NSL1: variants seen among roughly 807,000 people sequenced by gnomAD.
NSL1 encodes the protein NSL1 component of MIS12 kinetochore complex, also known as kinetochore-associated protein NSL1 homolog.
In NSL1, 11 loss-of-function variants were observed where a neutral mutation model predicts 25.4. The observed-to-expected ratio is 0.43, with a 90% CI of 0.27 to 0.72. The LOEUF (loss-of-function observed/expected upper bound fraction) is 0.72. NSL1 is among the 30% of genes least tolerant of loss of function. The pLI is 0.19. For synonymous variants in NSL1, 118 were observed against 120.6 expected (o/e 0.98, Z 0.14); for missense variants, 330 against 342.7 (o/e 0.96, Z 0.29).
chr1:212,778,551 G>A (rs1045294034), intron 4 of NSL1, among the ~76,000 whole-genome samples: 91 of 147,708 alleles, frequency 6.2e-4, no homozygotes, highest in Middle Eastern at 3.4e-3. Flanking sequence ...GGCGCGCGCC[G>A]CCACGCCTGA....
chr1:212,736,250 C>T lies in NSL1; in HGVS notation c.*2158G>A. 1.3e-6 allele frequency: 1 copy of T among 769,936 alleles called. No homozygotes were observed. Among genetic ancestry groups the T allele is most frequent in the Non-Finnish European group, 1.6e-6 (1 of 633,464 alleles). 47.7% of individuals were successfully genotyped at this position (769,936 alleles called of 1,614,324 possible). ...ATGGAGTTTCACTATGTTGCCCAGG[C>T]TGGGCTCAAGTAATCTGTCCACTTC... On this transcript the variant is annotated 3_prime_UTR_variant, in exon 6 of 6. Transcript: ENST00000366977.
chr1:212,775,914 G>A (rs568636234), intron 4 of NSL1, among the ~76,000 whole-genome samples: 1 of 151,730 alleles, frequency 6.6e-6, no homozygotes, highest in South Asian at 2.1e-4. Context: ...TGACAGCTCC[G>A]CCTCCCAGGT....
intron 4 of NSL1, among the ~76,000 whole-genome samples, chr1:212,744,300 C>A (rs1658654403): frequency 1.3e-5 from 2 of 152,134 alleles, no homozygotes; most frequent in South Asian, 4.1e-4. Flanking sequence ...ACTTCAGTGA[C>A]TACAAACAAC....
At chr1:212,741,003 C>A (rs1658478112) in intron 4 of NSL1, among the ~76,000 whole-genome samples, 1 of 152,102 alleles carries the variant, frequency 6.6e-6, no homozygotes, top group South Asian at 2.1e-4. Flanking sequence ...ACCACTATTA[C>A]CTACATTCAA....
At chr1:212,743,491 T>C (rs1297363220) in intron 4 of NSL1, among the ~76,000 whole-genome samples, 1 of 151,966 alleles carries the variant, frequency 6.6e-6, no homozygotes, top group African/African-American at 2.4e-5. Flanking sequence ...TAGCTCAATT[T>C]TCCCTTCCTC....
Position 212,739,601 on chromosome 1 carries a change from G to A in NSL1, c.500C>T (p.Ala167Val), listed in dbSNP as rs750139147. 3 of 1,612,970 alleles carry A rather than the reference G, an allele frequency of 1.9e-6. No individual in the cohort carries two copies. In the Admixed American group the frequency reaches 5.0e-5, roughly 27 times the overall value. ...PLDLKYDPDP[A>V]PHMENLKCRG... ...GCATTTCAAATTTTCCATATGAGGG[G>A]CTGCAAAAACATTGCCAAACAGTAT... is the stretch of plus-strand genomic sequence containing the variant. The change falls in exon 5 of 6, where the codon GCC (alanine) becomes GTC (valine). Residue 167 changes from alanine (A) to valine (V), a missense_variant and splice_region_variant. Transcript: ENST00000366977.
chr1:212,730,299 G>A lies in NSL1; in HGVS notation c.*8109C>T, dbSNP rs2358898. Reference sequence around the variant, plus strand: ...CCAAGTCTCAGGTATTTATGGACTGGTGAAGAGTTGTGTGGAGGGTGGCAT... The same window carrying A: ...CCAAGTCTCAGGTATTTATGGACTGATGAAGAGTTGTGTGGAGGGTGGCAT... On this transcript the variant is annotated 3_prime_UTR_variant, in exon 6 of 6. Coordinates refer to ENST00000366977, the MANE Select transcript of NSL1 (RefSeq NM_015471.4). 0.015 allele frequency: 14,801 copies of A among 983,384 alleles called. 133 individuals carry two copies. The highest frequency in any genetic ancestry group is 0.035 in the South Asian group (736 of 21,170). 60.9% of individuals were successfully genotyped at this position (983,384 alleles called of 1,614,324 possible). A position where few individuals can be genotyped will look rare whatever the true frequency, so the allele number is the denominator to read the frequency against.
chr1:212,777,490 TA>T (rs1406055546), intron 4 of NSL1, among the ~76,000 whole-genome samples: 1 of 152,190 alleles, frequency 6.6e-6, no homozygotes, highest in Non-Finnish European at 1.5e-5. Flanking sequence ...ATACAATAGC[TA>T]AATGAATAGA....
chr1:212,729,817 A>T lies in NSL1; in HGVS notation c.*8591T>A, dbSNP rs1196649475. On this transcript the variant is annotated 3_prime_UTR_variant, in exon 6 of 6. Coordinates refer to ENST00000366977, the MANE Select transcript of NSL1 (RefSeq NM_015471.4). ...AGCTAGAACATGGAAAAAGCAATGT[A>T]ATCAGCTGGTGCTGCAAAGGGCAGT... The T allele has an allele frequency of 2.9e-5, 29 of 985,272 alleles. No homozygotes were observed. The highest frequency in any genetic ancestry group is 3.3e-5 in the Non-Finnish European group (27 of 829,936). 61.0% of individuals were successfully genotyped at this position (985,272 alleles called of 1,614,324 possible).
At chr1:212,788,027 A>G (rs1661017303) in intron 1 of NSL1, among the ~76,000 whole-genome samples, 1 of 152,260 alleles carries the variant, frequency 6.6e-6, no homozygotes, top group African/African-American at 2.4e-5. Flanking sequence ...TACATGCTTA[A>G]AAATAAAATT....
At chr1:212,785,818 T>C (rs1660917607) in intron 2 of NSL1, among the ~76,000 whole-genome samples, 1 of 152,242 alleles carries the variant, frequency 6.6e-6, no homozygotes, top group African/African-American at 2.4e-5. Context: ...AATGGACCTA[T>C]TTATTTTATT....
At chr1:212,779,278 G>A (rs1238729076) in intron 4 of NSL1, among the ~76,000 whole-genome samples, 1 of 149,730 alleles carries the variant, frequency 6.7e-6, no homozygotes, top group African/African-American at 2.5e-5. Flanking sequence ...CCGTCTCGGA[G>A]GGAGGTGGGG....
rs968692449 is a variant in NSL1 at position 212,742,537 on chromosome 1, C to T, written c.500-2936G>A. Among the ~76,000 whole-genome samples, 8 of 152,006 alleles carry T rather than the reference C, an allele frequency of 5.3e-5. No homozygotes were observed. The South Asian group carries it at 1.2e-3, about 24-fold the overall frequency. On this transcript the variant is annotated intron_variant, in intron 4 of 5. Transcript: ENST00000366977. ...TTATCCCCTATAACATGAAAAAGTG[C>T]GAGATTAAAGTCTACCAGAAAACAT...
chr1:212,784,436 G>A lies in NSL1; in HGVS notation c.371C>T (p.Thr124Ile), dbSNP rs745461106. 8 of 1,595,858 alleles carry A rather than the reference G, an allele frequency of 5.0e-6. No individual in the cohort carries two copies. Among genetic ancestry groups the A allele is most frequent in the Non-Finnish European group, 6.9e-6 (8 of 1,166,632 alleles). ...CTTTCTGGGATACTGCTTACGTTTT[G>A]TGGCTATATCTACTATGATTTCATC... is the stretch of plus-strand genomic sequence containing the variant. ...QFDEIIVDIA[T>I]KRKQYPRKIL... is the part of the protein sequence containing the mutation. The change falls in exon 3 of 6, where the codon ACA becomes ATA. Residue 124 changes from threonine to isoleucine, a missense_variant. Transcript: ENST00000366977.
At chr1:212,738,948 A>G (rs1169389851) in intron 5 of NSL1, among the ~76,000 whole-genome samples, 2 of 152,094 alleles carry the variant, frequency 1.3e-5, no homozygotes, top group Non-Finnish European at 2.9e-5. Flanking sequence ...TTTTTAGTAG[A>G]CGTGGACTTT....
At chr1:212,759,888 C>T (rs920823920) in intron 4 of NSL1, among the ~76,000 whole-genome samples, 1 of 152,200 alleles carries the variant, frequency 6.6e-6, no homozygotes, top group Non-Finnish European at 1.5e-5. Flanking sequence ...GCACACTCCT[C>T]AGAGCCTGAG....
At position 212,728,473 on chromosome 1, in the gene NSL1, T is replaced by C; in HGVS notation, c.*9935A>G. 2.0e-6 allele frequency: 2 copies of C among 985,476 alleles called. No homozygotes were observed. Among genetic ancestry groups the C allele is most frequent in the Non-Finnish European group, 2.4e-6 (2 of 829,940 alleles). 61.0% of individuals were successfully genotyped at this position (985,476 alleles called of 1,614,324 possible). A position where few individuals can be genotyped will look rare whatever the true frequency, so the allele number is the denominator to read the frequency against. On this transcript the variant is annotated 3_prime_UTR_variant, in exon 6 of 6. Transcript: ENST00000366977. ...CTTTGGGTAATCTTTTATCTTGAAC[T>C]ACCAAGAGTAGATGAATTGTGAGCT...
In NSL1 at chr1:212,726,991, C is replaced by T; in HGVS notation, c.*11417G>A. ...GGAGAGTGTGCTTCCTGGCTGTGTC[C>T]TCTCAGAGGCCCTCCAGTCCAGTCT... On this transcript the variant is annotated 3_prime_UTR_variant, in exon 6 of 6. Coordinates refer to ENST00000366977, the MANE Select transcript of NSL1 (RefSeq NM_015471.4). 1 of 878,138 alleles carries T rather than the reference C, an allele frequency of 1.1e-6. No homozygotes were observed. Among genetic ancestry groups the T allele is most frequent in the Non-Finnish European group, 1.7e-6 (1 of 594,812 alleles). 54.4% of individuals were successfully genotyped at this position (878,138 alleles called of 1,614,324 possible). A position where few individuals can be genotyped will look rare whatever the true frequency, so the allele number is the denominator to read the frequency against.
intron 4 of NSL1, chr1:212,782,071 TA>T: frequency 1.6e-6 from 1 of 616,660 alleles, no homozygotes; most frequent in South Asian, 1.4e-5. Context: ...GAATAGATAG[TA>T]CAATGACAGA....
Sources: gnomAD v4.1 joint callset for allele counts (sites outside exome capture counted in the v4.1 genomes callset) on GRCh38, gnomAD v4.1.1 for gene constraint, MANE v1.5 for transcripts, NCBI Gene and HGNC (gene_info 2026-07-23, HGNC 2026-07-21) for gene names.